Variants in CMSS1 observed in about 807,000 individuals in gnomAD.
CMSS1 encodes the protein protein CMSS1.
A neutral mutation model predicts 43.5 loss-of-function variants in CMSS1; 33 were observed. That is an observed-to-expected ratio of 0.76 (90% CI 0.57 to 1.01). CMSS1 has a LOEUF of 1.01. CMSS1 is among the 50% of genes least tolerant of loss of function. CMSS1 has a pLI of 0.00. For synonymous variants in CMSS1, 115 were observed against 117.2 expected (o/e 0.98, Z 0.12); for missense variants, 313 against 326.4 (o/e 0.96, Z 0.32).
chr3:99,842,543 A>G (rs541551553), intron 1 of CMSS1, among the ~76,000 whole-genome samples: 1 of 152,280 alleles, frequency 6.6e-6, no homozygotes, highest in East Asian at 1.9e-4. Context: ...TAACCCCTCA[A>G]ATATCATACC....
chr3:100,070,546 T>G (rs192396490), intron 1 of CMSS1, among the ~76,000 whole-genome samples: 142 of 152,358 alleles, frequency 9.3e-4, no homozygotes, highest in African/African-American at 3.2e-3. Flanking sequence ...AGTGGATGTA[T>G]GGGGTTGTAA....
At chr3:100,053,068 T>G (rs2065400888) in intron 1 of CMSS1, among the ~76,000 whole-genome samples, 1 of 152,130 alleles carries the variant, frequency 6.6e-6, no homozygotes, top group African/African-American at 2.4e-5. Context: ...GAAACAAGGG[T>G]GCTCCTTGTT....
chr3:100,023,038 G>A, intron 1 of CMSS1, among the ~76,000 whole-genome samples: 1 of 152,086 alleles, frequency 6.6e-6, no homozygotes, highest in Non-Finnish European at 1.5e-5. Context: ...ATGAGTTTCA[G>A]GTGTTTTAAC....
chr3:100,013,862 A>G (rs978075833), intron 1 of CMSS1, among the ~76,000 whole-genome samples: 2 of 152,142 alleles, frequency 1.3e-5, no homozygotes, highest in African/African-American at 4.8e-5. Context: ...TCAAGTGTAC[A>G]ATATGTTGTT....
intron 1 of CMSS1, among the ~76,000 whole-genome samples, chr3:100,069,419 C>G (rs2065723428): frequency 6.6e-6 from 1 of 152,122 alleles, no homozygotes; most frequent in Non-Finnish European, 1.5e-5. Flanking sequence ...CTGCTCTGTT[C>G]TAAGCAGGCA....
chr3:99,920,427 T>G (rs1707088706), intron 1 of CMSS1, among the ~76,000 whole-genome samples: 1 of 152,242 alleles, frequency 6.6e-6, no homozygotes, highest in Admixed American at 6.5e-5. Flanking sequence ...CAAAAATTAT[T>G]GGCATTGCTT....
At position 99,986,775 on chromosome 3, in the gene CMSS1, T is replaced by C. The variant is rs76751288; in HGVS notation, c.65-160198T>C. Among the ~76,000 whole-genome samples, 965 of 152,280 alleles carry C rather than the reference T, an allele frequency of 6.3e-3. 7 individuals carry two copies. Among genetic ancestry groups the C allele is most frequent in the African/African-American group, 0.018 (765 of 41,556 alleles). ...CCCCAGGGGATGGTAGGAAGTATTA[T>C]GGCATCTAGTGAGTAGAAGCCAGGG... On this transcript the variant is annotated intron_variant, in intron 1 of 9. Transcript: ENST00000421999.
At chr3:99,930,032 G>A (rs1707427471) in intron 1 of CMSS1, 4 of 1,593,730 alleles carry the variant, frequency 2.5e-6, no homozygotes, top group South Asian at 2.3e-5. Flanking sequence ...TCTCGAGCCT[G>A]TAGGAACAAA....
chr3:99,963,752 G>A (rs961820548), intron 1 of CMSS1, among the ~76,000 whole-genome samples: 1 of 151,850 alleles, frequency 6.6e-6, no homozygotes, highest in African/African-American at 2.4e-5. Flanking sequence ...GAGTAGCTGG[G>A]GATTACAGGC....
chr3:99,913,215 T>C (rs758227304), intron 1 of CMSS1, among the ~76,000 whole-genome samples: 3 of 152,232 alleles, frequency 2.0e-5, no homozygotes, highest in Non-Finnish European at 4.4e-5. Flanking sequence ...CAATCTCTGG[T>C]ATTTTGTCAT....
intron 1 of CMSS1, among the ~76,000 whole-genome samples, chr3:99,828,069 G>C (rs1942569733): frequency 6.6e-6 from 1 of 152,198 alleles, no homozygotes; most frequent in African/African-American, 2.4e-5. Context: ...CTTCATTTCA[G>C]AGTAAAATTT....
chr3:99,923,003 G>A (rs940898147), intron 1 of CMSS1, among the ~76,000 whole-genome samples: 1 of 151,734 alleles, frequency 6.6e-6, no homozygotes, highest in Admixed American at 6.6e-5. Flanking sequence ...GCATTATTTG[G>A]TGCTATTTGA....
intron 1 of CMSS1, among the ~76,000 whole-genome samples, chr3:100,132,392 A>C (rs2066715981): frequency 1.3e-5 from 2 of 151,884 alleles, no homozygotes; most frequent in African/African-American, 4.8e-5. Flanking sequence ...AACAGAATGA[A>C]AGCCTATCTC....
chr3:100,058,634 A>G (rs1433345852), intron 1 of CMSS1, among the ~76,000 whole-genome samples: 2 of 152,068 alleles, frequency 1.3e-5, no homozygotes, highest in African/African-American at 4.8e-5. Flanking sequence ...TTCTCCTCTA[A>G]ATTCCCAAGC....
intron 1 of CMSS1, among the ~76,000 whole-genome samples, chr3:99,870,854 G>A (rs1944754036): frequency 6.6e-6 from 1 of 152,188 alleles, no homozygotes; most frequent in Non-Finnish European, 1.5e-5. Flanking sequence ...TGCCCCGTAA[G>A]TGCATCTTCC....
chr3:100,078,901 GA>G (rs1279357615), intron 1 of CMSS1, among the ~76,000 whole-genome samples: 3 of 151,808 alleles, frequency 2.0e-5, no homozygotes, highest in Non-Finnish European at 2.9e-5. Context: ...AAAAAAAACG[GA>G]AAAAAAGATT....
Position 99,956,784 on chromosome 3 carries a change from A to G in CMSS1, c.64+138741A>G, listed in dbSNP as rs1032584924. 2.0e-5 allele frequency among the ~76,000 whole-genome samples: 3 copies of G among 152,198 alleles called. No homozygotes were observed. In the East Asian group the frequency reaches 5.8e-4, roughly 29 times the overall value. ...ACTTTATAACACGCCCAGTGGTCCC[A>G]CTTTCTAATAAAATCTCCCTTTCCC... On this transcript the variant is annotated intron_variant, in intron 1 of 9. Coordinates refer to ENST00000421999, the MANE Select transcript of CMSS1 (RefSeq NM_032359.4).
At chr3:99,856,320 C>T (rs1206999267) in intron 1 of CMSS1, among the ~76,000 whole-genome samples, 4 of 152,278 alleles carry the variant, frequency 2.6e-5, no homozygotes, top group Non-Finnish European at 2.9e-5. Flanking sequence ...GAATAGTGGA[C>T]GTAGACGTTG....
intron 1 of CMSS1, among the ~76,000 whole-genome samples, chr3:100,049,240 C>T (rs2065329625): frequency 6.6e-6 from 1 of 152,152 alleles, no homozygotes; most frequent in African/African-American, 2.4e-5. Context: ...AACAAATAAA[C>T]TGTTCTCTTG....
Sources: gnomAD v4.1 joint callset for allele counts (sites outside exome capture counted in the v4.1 genomes callset) on GRCh38, gnomAD v4.1.1 for gene constraint, MANE v1.5 for transcripts, NCBI Gene and HGNC (gene_info 2026-07-23, HGNC 2026-07-21) for gene names.